The following KLK9 variants were observed in gnomAD, a reference collection of about 807,000 sequenced individuals.
KLK9 encodes kallikrein-9.
KLK9 carries 26 observed loss-of-function variants against 23.3 expected under a neutral mutation model. That is an observed-to-expected ratio of 1.12 (90% CI 0.82 to 1.55). KLK9 has a LOEUF of 1.55. Among genes scored for constraint, KLK9 ranks in the 40% most tolerant of loss-of-function variants. KLK9 has a pLI of 0.00. For synonymous variants in KLK9, 122 were observed against 128.5 expected (o/e 0.95, Z 0.34); for missense variants, 346 against 333.7 (o/e 1.04, Z -0.29).
intron 4 of KLK9, 92 bp from the exon 5 acceptor site, chr19:51,003,352 C>T: frequency 1.5e-6 from 2 of 1,352,548 alleles, no homozygotes; most frequent in Non-Finnish European, 1.0e-6. Context: ...AGGCCCCAGC[C>T]CCTTCCTCCT....
rs538998737 is a variant in KLK9 at position 51,003,011 on chromosome 19, C to T, written c.*100G>A. 1 of 1,402,920 alleles carries T rather than the reference C, an allele frequency of 7.1e-7. No individual in the cohort carries two copies. The highest frequency in any genetic ancestry group is 1.5e-5 in the South Asian group (1 of 68,560). 86.9% of individuals were successfully genotyped at this position (1,402,920 alleles called of 1,614,324 possible). On this transcript the variant is annotated 3_prime_UTR_variant, in exon 5 of 5. Transcript: ENST00000594211. The stretch of plus-strand genomic sequence containing the variant: ...GAGGGGAGTCAGGGCAGCTGGAGGT[C>T]CAGGGCGGGAACCATTGAGGCTGGG...
chr19:51,004,408 G>A (rs1471152902), intron 3 of KLK9, among the ~76,000 whole-genome samples: 2 of 139,838 alleles, frequency 1.4e-5, no homozygotes, highest in African/African-American at 2.7e-5. Context: ...AAAGATGCAT[G>A]CAGAGAGCCA....
rs918108319 is a variant in KLK9, at chr19:51,006,957, C to T, written c.201-234G>A. Among the ~76,000 whole-genome samples the T allele has an allele frequency of 6.6e-6, 1 of 151,884 alleles. No individual in the cohort carries two copies. Among genetic ancestry groups the T allele is most frequent in the Admixed American group, 6.6e-5 (1 of 15,224 alleles). Reference sequence around the variant, plus strand: ...TTTGTGTGTCTCCATCTTTGTAGCTCTCCCCACAAAGCCCCCGCTCCTAGT... The same window carrying T: ...TTTGTGTGTCTCCATCTTTGTAGCTTTCCCCACAAAGCCCCCGCTCCTAGT... On this transcript the variant is annotated intron_variant, in intron 2 of 4. Transcript: ENST00000594211. This position sits in a 1 kb window ranked among gnomAD's most constrained non-coding sequence, Gnocchi z 4.1.
chr19:51,005,494 A>G (rs1445310837), intron 3 of KLK9, among the ~76,000 whole-genome samples: 3 of 152,188 alleles, frequency 2.0e-5, no homozygotes, highest in Non-Finnish European at 4.4e-5. Flanking sequence ...TCAGTGCTTT[A>G]TTCATGGAGG....
In KLK9 at chr19:51,003,035, G is replaced by A; in HGVS notation, c.*76C>T. 1 of 1,509,336 alleles carries A rather than the reference G, an allele frequency of 6.6e-7. No homozygotes were observed. Among genetic ancestry groups the A allele is most frequent in the South Asian group, 1.3e-5 (1 of 76,994 alleles). The allele number at this position is 1,509,336 out of a possible 1,614,324, so 93.5% of individuals were successfully genotyped here. A position where few individuals can be genotyped will look rare whatever the true frequency, so the allele number is the denominator to read the frequency against. On this transcript the variant is annotated 3_prime_UTR_variant, in exon 5 of 5. Coordinates refer to ENST00000594211, the MANE Select transcript of KLK9 (RefSeq NM_012315.2). The stretch of plus-strand genomic sequence containing the variant: ...TCCAGGGCGGGAACCATTGAGGCTG[G>A]GACCCTACGAGAACCCCCTACCCCG...
Position 51,006,321 on chromosome 19 carries a change from G to T in KLK9, c.466+137C>A. On this transcript the variant is annotated intron_variant, in intron 3 of 4. Coordinates refer to ENST00000594211, the MANE Select transcript of KLK9 (RefSeq NM_012315.2). This position sits in a 1 kb window ranked among gnomAD's most constrained non-coding sequence, Gnocchi z 4.1. ...TTAAAAATGCTAGCATCTTATATTTGGTTAAATATATCGATTGGCAGATAG... is the reference window on the plus strand; with the variant it reads ...TTAAAAATGCTAGCATCTTATATTTTGTTAAATATATCGATTGGCAGATAG... 1.2e-6 allele frequency: 1 copy of T among 837,374 alleles called. No homozygotes were observed. Among genetic ancestry groups the T allele is most frequent in the Non-Finnish European group, 1.8e-6 (1 of 559,580 alleles). The allele number at this position is 837,374 out of a possible 1,614,324, so 51.9% of individuals were successfully genotyped here.
rs1290227715 is a variant in KLK9 at position 51,002,943 on chromosome 19, C to T, written c.*168G>A. The T allele has an allele frequency of 1.2e-5, 10 of 802,202 alleles. No individual in the cohort carries two copies. Among genetic ancestry groups the T allele is most frequent in the Non-Finnish European group, 1.5e-5 (8 of 516,998 alleles). The allele number at this position is 802,202 out of a possible 1,614,324, so 49.7% of individuals were successfully genotyped here. A position where few individuals can be genotyped will look rare whatever the true frequency, so the allele number is the denominator to read the frequency against. ...GGGGCGCGACTGTGTCTTGCTTGAC[C>T]TCGTGAGGGGGCGGAGCCTCAGGGG... is the stretch of plus-strand genomic sequence containing the variant. On this transcript the variant is annotated 3_prime_UTR_variant, in exon 5 of 5. Transcript: ENST00000594211.
Position 51,006,563 on chromosome 19 carries a change from C to T in KLK9, c.361G>A (p.Ala121Thr). 6.2e-7 allele frequency: 1 copy of T among 1,613,272 alleles called. No individual in the cohort carries two copies. The highest frequency in any genetic ancestry group is 8.5e-7 in the Non-Finnish European group (1 of 1,179,478). The change falls in exon 3 of 5, where the codon GCA becomes ACA. Residue 121 changes from alanine to threonine, a missense_variant. By Grantham distance (58) the Ala-to-Thr change is moderately conservative. Transcript: ENST00000594211. The surrounding 1 kb of genome is among the most constrained non-coding windows in gnomAD (Gnocchi z 4.1). Reference protein sequence around the residue: ...DIMLIRLPRQARLSPAVQPLN... With the variant: ...DIMLIRLPRQTRLSPAVQPLN... ...GGCTGCACAGCAGGACTCAGACGTG[C>T]CTGCCTGGGCAGGCGGATCAGCATG...
In KLK9 at chr19:51,006,153, C is replaced by CAA. The variant is rs2091254725; in HGVS notation, c.466+304_466+305insTT. Among the ~76,000 whole-genome samples, 1 of 151,410 alleles carries CAA rather than the reference C, an allele frequency of 6.6e-6. No individual in the cohort carries two copies. Among genetic ancestry groups the CAA allele is most frequent in the Admixed American group, 6.6e-5 (1 of 15,162 alleles). ...ACAAACAAACAAACAAACAAACAAA[C>CAA]ACTCTGAAATTAGAATGTGTCTTCC... On this transcript the variant is annotated intron_variant, in intron 3 of 4. Transcript: ENST00000594211. The surrounding 1 kb of genome is among the most constrained non-coding windows in gnomAD (Gnocchi z 4.1).
Position 51,003,165 on chromosome 19 carries a change from G to C in KLK9, c.699C>G (p.Val233=), listed in dbSNP as rs1459158830. ...CAAGGTAGTGGCATACGCTGGTGTA[G>C]ACTGCGGGGCGCCGGGGTCTGGAGC... ...EPCSRPRRPA[V]YTSVCHYLDW... is the part of the protein sequence containing the mutation. Residue 233 remains valine (V), a synonymous_variant, in exon 5 of 5, where the codon GTC becomes GTG. Transcript: ENST00000594211. 1 of 1,613,068 alleles carries C rather than the reference G, an allele frequency of 6.2e-7. No homozygotes were observed. Among genetic ancestry groups the C allele is most frequent in the Non-Finnish European group, 8.5e-7 (1 of 1,179,842 alleles).
At position 51,003,174 on chromosome 19, in the gene KLK9, G is replaced by A. The variant is rs772094847; in HGVS notation, c.690C>T (p.Arg230=). 1.9e-6 allele frequency: 3 copies of A among 1,612,680 alleles called. No homozygotes were observed. Among genetic ancestry groups the A allele is most frequent in the Non-Finnish European group, 1.7e-6 (2 of 1,179,704 alleles). ...GGAEPCSRPR[R]PAVYTSVCHY... is the part of the protein sequence containing the mutation. Reference sequence around the variant, plus strand: ...GGCATACGCTGGTGTAGACTGCGGGGCGCCGGGGTCTGGAGCAGGGCTCAG... The same window carrying A: ...GGCATACGCTGGTGTAGACTGCGGGACGCCGGGGTCTGGAGCAGGGCTCAG... The change falls in exon 5 of 5, where the codon CGC becomes CGT. Residue 230 remains arginine (R), a synonymous_variant. Transcript: ENST00000594211.
In KLK9 at chr19:51,009,459, T is replaced by A. The variant is rs1474248596; in HGVS notation, c.43+46A>T. 1 of 1,576,194 alleles carries A rather than the reference T, an allele frequency of 6.3e-7. No individual in the cohort carries two copies. The highest frequency in any genetic ancestry group is 1.2e-5 in the South Asian group (1 of 84,688). On this transcript the variant is annotated intron_variant, in intron 1 of 4. Coordinates refer to ENST00000594211, the MANE Select transcript of KLK9 (RefSeq NM_012315.2). This position sits in a 1 kb window ranked among gnomAD's most constrained non-coding sequence, Gnocchi z 4.8. ...CCTGGGATGGGAGGGAAGAGCAAGG[T>A]GACCTTAGTACAGCCGTGAAGGGGC...
Position 51,004,359 on chromosome 19 carries a change from A to G in KLK9, c.467-519T>C. On this transcript the variant is annotated intron_variant, in intron 3 of 4. Coordinates refer to ENST00000594211, the MANE Select transcript of KLK9 (RefSeq NM_012315.2). ...GTCTCAAAAAAAAAAAAAAAAAAAA[A>G]AAAAAAAAAAAAAAAAAGAAAGGAA... 3.3e-5 allele frequency among the ~76,000 whole-genome samples: 4 copies of G among 120,684 alleles called. 1 individual carries two copies. Among genetic ancestry groups the G allele is most frequent in the Admixed American group, 9.1e-5 (1 of 10,994 alleles). 79.2% of individuals were successfully genotyped at this position (120,684 alleles called of 152,430 possible).
chr19:51,006,459 C>A lies in KLK9; in HGVS notation c.465G>T (p.Lys155Asn). 1 of 1,609,116 alleles carries A rather than the reference C, an allele frequency of 6.2e-7. No homozygotes were observed. Among genetic ancestry groups the A allele is most frequent in the South Asian group, 1.1e-5 (1 of 90,510 alleles). The change falls in exon 3 of 5, where the codon AAG becomes AAT. Residue 155 changes from lysine (K) to asparagine (N), a missense_variant and splice_region_variant. Transcript: ENST00000594211. This position sits in a 1 kb window ranked among gnomAD's most constrained non-coding sequence, Gnocchi z 4.1. ...ISGWGAVSSP[K>N]ALFPVTLQCA... ...AGAGAGTTCTGGGCCAGGTCATACC[C>A]TTGGGGCTGGACACGGCCCCCCAGC...
chr19:51,003,191 A>T lies in KLK9; in HGVS notation c.673T>A (p.Cys225Ser), dbSNP rs1368879303. The T allele has an allele frequency of 1.9e-6, 3 of 1,612,862 alleles. No individual in the cohort carries two copies. The highest frequency in any genetic ancestry group is 1.7e-5 in the Admixed American group (1 of 59,948). Reference sequence around the variant, plus strand: ...ACTGCGGGGCGCCGGGGTCTGGAGCAGGGCTCAGCACCCCCAGACACCACG... The same window carrying T: ...ACTGCGGGGCGCCGGGGTCTGGAGCTGGGCTCAGCACCCCCAGACACCACG... Reference protein sequence around the residue: ...AGVVSGGAEPCSRPRRPAVYT... With the variant: ...AGVVSGGAEPSSRPRRPAVYT... Residue 225 changes from cysteine (C) to serine (S), a missense_variant, in exon 5 of 5, where the codon TGC becomes AGC. Coordinates refer to ENST00000594211, the MANE Select transcript of KLK9 (RefSeq NM_012315.2).
rs188822045 is a variant in KLK9, at chr19:51,007,866, G to A, written c.201-1143C>T. Among the ~76,000 whole-genome samples, 32 of 152,140 alleles carry A rather than the reference G, an allele frequency of 2.1e-4. No individual in the cohort carries two copies. In the East Asian group the frequency reaches 5.4e-3, roughly 26 times the overall value. ...TAAGATTCTAGAATTCTCAGATTCC[G>A]ACACACTATTATCCATGATTCTAGA... On this transcript the variant is annotated intron_variant, in intron 2 of 4. Coordinates refer to ENST00000594211, the MANE Select transcript of KLK9 (RefSeq NM_012315.2).
At chr19:51,005,364 A>T (rs1185998650) in intron 3 of KLK9, among the ~76,000 whole-genome samples, 2 of 152,142 alleles carry the variant, frequency 1.3e-5, no homozygotes, top group Non-Finnish European at 2.9e-5. Context: ...TGGACAACAT[A>T]GCAAGACCTC....
chr19:51,006,308 G>A lies in KLK9; in HGVS notation c.466+150C>T, dbSNP rs2091255280. The A allele has an allele frequency of 2.7e-5, 21 of 767,044 alleles. No individual in the cohort carries two copies. In the Admixed American group the frequency reaches 6.3e-4, roughly 23 times the overall value. 47.5% of individuals were successfully genotyped at this position (767,044 alleles called of 1,614,324 possible). ...ATAATGGCACATCTTAAAAATGCTA[G>A]CATCTTATATTTGGTTAAATATATC... On this transcript the variant is annotated intron_variant, in intron 3 of 4. Coordinates refer to ENST00000594211, the MANE Select transcript of KLK9 (RefSeq NM_012315.2). The surrounding 1 kb of genome is among the most constrained non-coding windows in gnomAD (Gnocchi z 4.1).
chr19:51,005,855 GA>G (rs2091253269), intron 3 of KLK9, among the ~76,000 whole-genome samples: 1 of 151,422 alleles, frequency 6.6e-6, no homozygotes, highest in Admixed American at 6.6e-5. Context: ...AAGGCGGGCA[GA>G]TCACCAGGTC....
Sources: allele counts gnomAD v4.1 joint callset (sites outside exome capture counted in the v4.1 genomes callset), GRCh38; gene constraint gnomAD v4.1.1; non-coding constraint Gnocchi (gnomAD v3.1); transcripts MANE v1.5; gene names NCBI Gene and HGNC (gene_info 2026-07-23, HGNC 2026-07-21).